PROZ: variants seen among roughly 807,000 people sequenced by gnomAD.
The protein encoded by PROZ is protein Z, vitamin K dependent plasma glycoprotein, also known as vitamin K-dependent protein Z.
A neutral mutation model predicts 34.9 loss-of-function variants in PROZ; 46 were observed. The ratio of observed to expected loss-of-function variants is 1.32; its 90% confidence interval spans 1.04 to 1.69. PROZ has a LOEUF of 1.69. Ranked by LOEUF, PROZ falls within the 40% of genes most tolerant of loss-of-function variation. The probability of loss-of-function intolerance (pLI) is 0.00; values close to 1 mark genes in which losing one functional copy is unlikely to be tolerated. For missense variants in PROZ, 530 were observed against 520.4 expected, an observed-to-expected ratio of 1.02 and a Z score of -0.18; for synonymous variants, 195 against 208.5, an observed-to-expected ratio of 0.94 and a Z score of 0.56.
intron 6 of PROZ, chr13:113,166,402 T>C (rs2036933130): frequency 6.6e-6 from 1 of 152,146 alleles, no homozygotes; most frequent in South Asian, 2.1e-4. Flanking sequence ...GCCGTGTGGA[T>C]GGCACAGCCT....
At position 113,164,898 on chromosome 13, in the gene PROZ, G is replaced by A. The variant is rs1316068772; in HGVS notation, c.506-155G>A. On this transcript the variant is annotated intron_variant, in intron 5 of 7. Transcript: ENST00000375547. ...GGGGTGGTTTAACTCCAGTCTGTGT[G>A]TCTGTGAATTACTGCACATTCATCA... 16 of 956,314 alleles carry A rather than the reference G, an allele frequency of 1.7e-5. No individual in the cohort carries two copies. In the East Asian group the frequency reaches 3.7e-4, roughly 22 times the overall value. The allele number at this position is 956,314 out of a possible 1,614,324, so 59.2% of individuals were successfully genotyped here.
rs750725886 is a variant in PROZ at position 113,164,536 on chromosome 13, C to T, written c.397C>T (p.Arg133Trp). 8 of 1,612,802 alleles carry T rather than the reference C, an allele frequency of 5.0e-6. No individual in the cohort carries two copies. The African/African-American group carries it at 5.4e-5, about 11-fold the overall frequency. Residue 133 changes from arginine to tryptophan, a missense_variant, in exon 5 of 8, where the codon CGG becomes TGG. Physicochemically the swap from Arg to Trp is moderately radical, Grantham distance 101. Coordinates refer to ENST00000375547, the MANE Select transcript of PROZ (RefSeq NM_003891.3). ...ELAKNECHPERTDGCQHFCLP... is the reference protein window; with the variant it reads ...ELAKNECHPEWTDGCQHFCLP... ...AGCTAAAAATGAATGTCACCCAGAG[C>T]GGACTGATGGGTGTCAACACTTCTG...
Position 113,172,373 on chromosome 13 carries a change from TC to T in PROZ, c.*269del. The T allele has an allele frequency of 2.1e-6, 1 of 480,894 alleles. No individual in the cohort carries two copies. The highest frequency in any genetic ancestry group is 3.3e-5 in the Admixed American group (1 of 29,932). 29.8% of individuals were successfully genotyped at this position (480,894 alleles called of 1,614,324 possible). A position where few individuals can be genotyped will look rare whatever the true frequency, so the allele number is the denominator to read the frequency against. On this transcript the variant is annotated 3_prime_UTR_variant, in exon 8 of 8. Coordinates refer to ENST00000375547, the MANE Select transcript of PROZ (RefSeq NM_003891.3). ...TTAAATAATAAAATAAGATAATCTG[TC>T]AGTCATAAAGCAGCCTGGTTTCCAG... is the stretch of plus-strand genomic sequence containing the variant.
rs2037114633 is a variant in PROZ at position 113,171,646 on chromosome 13, T to C, written c.744T>C (p.His248=). ...TGATGATCAAGATAACGCACGTCCATGTGCACATGCGGTATGACGCGGACG... is the reference window on the plus strand; with the variant it reads ...TGATGATCAAGATAACGCACGTCCACGTGCACATGCGGTATGACGCGGACG... ...DPLMIKITHV[H]VHMRYDADAG... Residue 248 remains histidine, a synonymous_variant, in exon 8 of 8, where the codon CAT becomes CAC. Coordinates refer to ENST00000375547, the MANE Select transcript of PROZ (RefSeq NM_003891.3). This position sits in a 1 kb window ranked among gnomAD's most constrained non-coding sequence, Gnocchi z 5.1. 2.5e-6 allele frequency: 4 copies of C among 1,614,140 alleles called. No homozygotes were observed. Among genetic ancestry groups the C allele is most frequent in the South Asian group, 1.1e-5 (1 of 91,084 alleles).
In PROZ at chr13:113,159,910, CG is replaced by C; in HGVS notation, c.71-102del. 1 of 1,396,948 alleles carries C rather than the reference CG, an allele frequency of 7.2e-7. No individual in the cohort carries two copies. Among genetic ancestry groups the C allele is most frequent in the Admixed American group, 1.7e-5 (1 of 59,622 alleles). The allele number at this position is 1,396,948 out of a possible 1,614,324, so 86.5% of individuals were successfully genotyped here. A position where few individuals can be genotyped will look rare whatever the true frequency, so the allele number is the denominator to read the frequency against. ...CTCGCAGGCTGAGAGCCTGTGGAGA[CG>C]GACGGGGCTGGGGCTGGCGGCCGGC... is the stretch of plus-strand genomic sequence containing the variant. On this transcript the variant is annotated intron_variant, in intron 1 of 7. Transcript: ENST00000375547. The surrounding 1 kb of genome is among the most constrained non-coding windows in gnomAD (Gnocchi z 4.6).
In PROZ at chr13:113,164,268, G is replaced by A. The variant is rs3024730; in HGVS notation, c.374-245G>A. Reference sequence around the variant, plus strand: ...GCTGGGATTACAGGCATGAGCCACCGCGCCCGGCCTCACTCACGGAGTCTT... The same window carrying A: ...GCTGGGATTACAGGCATGAGCCACCACGCCCGGCCTCACTCACGGAGTCTT... On this transcript the variant is annotated intron_variant, in intron 4 of 7. Coordinates refer to ENST00000375547, the MANE Select transcript of PROZ (RefSeq NM_003891.3). Among the ~76,000 whole-genome samples, 2,411 of 152,034 alleles carry A rather than the reference G, an allele frequency of 0.016. 169 individuals are homozygous for A. In the East Asian group the frequency reaches 0.22, roughly 14 times the overall value.
Position 113,169,971 on chromosome 13 carries a change from G to T in PROZ, c.574-442G>T, listed in dbSNP as rs527572434. 7.2e-5 allele frequency among the ~76,000 whole-genome samples: 11 copies of T among 152,320 alleles called. No individual in the cohort carries two copies. The East Asian group carries it at 1.9e-3, about 27-fold the overall frequency. On this transcript the variant is annotated intron_variant, in intron 6 of 7. Coordinates refer to ENST00000375547, the MANE Select transcript of PROZ (RefSeq NM_003891.3). ...CCACTGTGGCCTCCCTGGGCTCTCA[G>T]CTTTCTCTCTTCAATTTAGGGAGTC...
chr13:113,168,348 G>A (rs527508956), intron 6 of PROZ, among the ~76,000 whole-genome samples: 6 of 152,278 alleles, frequency 3.9e-5, no homozygotes, highest in East Asian at 1.9e-4. Flanking sequence ...GCTGTGAGGC[G>A]TCTGGGGAAG....
At chr13:113,167,289 G>A (rs2036966944) in intron 6 of PROZ, among the ~76,000 whole-genome samples, 1 of 152,156 alleles carries the variant, frequency 6.6e-6, no homozygotes, top group Non-Finnish European at 1.5e-5. Flanking sequence ...TACAGATAAC[G>A]TTCTTGACTT....
intron 6 of PROZ, 65 bp from the exon 7 acceptor site, chr13:113,170,348 G>C: frequency 9.9e-7 from 1 of 1,005,668 alleles, no homozygotes; most frequent in Non-Finnish European, 1.6e-6. Flanking sequence ...CTATCCAGTA[G>C]ACTTTACTGC....
At position 113,171,408 on chromosome 13, in the gene PROZ, C is replaced by T. The variant is rs926242966; in HGVS notation, c.692-186C>T. The stretch of plus-strand genomic sequence containing the variant: ...AAAGGCTGTGGCACTTGGTTGCAAT[C>T]GTGCAATCTGTGAGTGGCCTTTCTG... On this transcript the variant is annotated intron_variant, in intron 7 of 7. Transcript: ENST00000375547. This position sits in a 1 kb window ranked among gnomAD's most constrained non-coding sequence, Gnocchi z 5.1. 2.6e-5 allele frequency among the ~76,000 whole-genome samples: 4 copies of T among 152,184 alleles called. No individual in the cohort carries two copies. Among genetic ancestry groups the T allele is most frequent in the South Asian group, 4.1e-4 (2 of 4,834 alleles).
chr13:113,163,149 C>T, intron 4 of PROZ, 27 bp downstream of exon 4: 1 of 1,513,560 alleles, frequency 6.6e-7, no homozygotes, highest in Non-Finnish European at 9.0e-7. Context: ...CCCCTTCCCC[C>T]AAGGGCCTCC....
Position 113,163,068 on chromosome 13 carries a change from T to TGCAAGGTGCA in PROZ, c.320_321insCAAGGTGCAG (p.Trp107CysfsTer15). On this transcript the variant is annotated frameshift_variant, in exon 4 of 8. Coordinates refer to ENST00000375547, the MANE Select transcript of PROZ (RefSeq NM_003891.3). LOFTEE classifies it high-confidence loss of function. ...CAACGGCTCTTGCCAGGACAGCATC[T>TGCAAGGTGCA]GGGGCTACACCTGCACCTGCTCCCC... 1.3e-6 allele frequency: 2 copies of TGCAAGGTGCA among 1,562,930 alleles called. No individual in the cohort carries two copies. Among genetic ancestry groups the TGCAAGGTGCA allele is most frequent in the Non-Finnish European group, 8.7e-7 (1 of 1,152,920 alleles).
At position 113,165,058 on chromosome 13, in the gene PROZ, T is replaced by C; in HGVS notation, c.511T>C (p.Cys171Arg). 6.2e-7 allele frequency: 1 copy of C among 1,613,526 alleles called. No homozygotes were observed. Among genetic ancestry groups the C allele is most frequent in the Non-Finnish European group, 8.5e-7 (1 of 1,179,998 alleles). Residue 171 changes from cysteine to arginine, a missense_variant, in exon 6 of 8, where the codon TGT becomes CGT. Physicochemically the swap from Cys to Arg is radical, Grantham distance 180. Transcript: ENST00000375547. ...DHKQCVPHDQ[C>R]ACGVLTSEKR... ...TGTTGCTGCCGCAAATGCAGACCAG[T>C]GTGCCTGCGGGGTGCTGACCTCTGA... is the stretch of plus-strand genomic sequence containing the variant.
chr13:113,169,773 T>C (rs2037054294), intron 6 of PROZ, among the ~76,000 whole-genome samples: 1 of 152,184 alleles, frequency 6.6e-6, no homozygotes, highest in South Asian at 2.1e-4. Context: ...CTAGCACAGG[T>C]CCCTCTCACA....
rs1177840891 is a variant in PROZ at position 113,163,021 on chromosome 13, G to T, written c.272G>T (p.Cys91Phe). Residue 91 changes from cysteine (C) to phenylalanine (F), a missense_variant, in exon 4 of 8, where the codon TGC (cysteine) becomes TTC (phenylalanine). Transcript: ENST00000375547. ...FWRRYKGGSP[C>F]ISQPCLHNGS... The stretch of plus-strand genomic sequence containing the variant: ...CCTCCTCCTGCAGGCGGCTCCCCGT[G>T]CATCTCCCAGCCCTGCCTCCACAAC... 1 of 1,546,932 alleles carries T rather than the reference G, an allele frequency of 6.5e-7. No individual in the cohort carries two copies. The highest frequency in any genetic ancestry group is 2.4e-5 in the East Asian group (1 of 41,264).
chr13:113,167,106 C>T (rs779762353), intron 6 of PROZ, among the ~76,000 whole-genome samples: 8 of 152,136 alleles, frequency 5.3e-5, no homozygotes, highest in Non-Finnish European at 1.2e-4. Context: ...AATTAAGTGA[C>T]CTAGCAGGAC....
chr13:113,159,236 C>T lies in PROZ; in HGVS notation c.70+506C>T, dbSNP rs960364128. On this transcript the variant is annotated intron_variant, in intron 1 of 7. Coordinates refer to ENST00000375547, the MANE Select transcript of PROZ (RefSeq NM_003891.3). This position sits in a 1 kb window ranked among gnomAD's most constrained non-coding sequence, Gnocchi z 4.6. ...AGGAACGACATGGACTCCATTCTGA[C>T]TCTGCCTGCACAGGCGTCCAGGAAA... 7.7e-6 allele frequency: 12 copies of T among 1,549,066 alleles called. No individual in the cohort carries two copies. The highest frequency in any genetic ancestry group is 1.0e-5 in the Non-Finnish European group (12 of 1,145,350).
At chr13:113,163,362 AG>A (rs1197064212) in intron 4 of PROZ, among the ~76,000 whole-genome samples, 1 of 151,980 alleles carries the variant, frequency 6.6e-6, no homozygotes, top group Non-Finnish European at 1.5e-5. Flanking sequence ...TACTTTTCAT[AG>A]CAGGGGCCCC....
Sources: gnomAD v4.1 joint callset for allele counts (sites outside exome capture counted in the v4.1 genomes callset) on GRCh38, gnomAD v4.1.1 for gene constraint, Gnocchi (gnomAD v3.1) non-coding constraint, MANE v1.5 for transcripts, NCBI Gene and HGNC (gene_info 2026-07-23, HGNC 2026-07-21) for gene names.